DMD: variants seen among roughly 807,000 people sequenced by gnomAD.
The protein encoded by DMD is dystrophin.
In DMD, 63 loss-of-function variants were observed where a neutral mutation model predicts 330.1. The ratio of observed to expected loss-of-function variants is 0.19; its 90% CI spans 0.16 to 0.24. DMD has a LOEUF of 0.24. Ranked by LOEUF, DMD falls within the 10% of genes least tolerant of loss-of-function variation. DMD has a pLI of 1.00. For synonymous variants in DMD, 1,223 were observed against 959.8 expected (o/e 1.27, Z -5.07); for missense variants, 3,344 against 2,684.1 (o/e 1.25, Z -5.43).
At chrX:31,487,582 T>C (rs991039931) in intron 57 of DMD, among the ~76,000 whole-genome samples, 25 of 112,041 alleles carry the variant, frequency 2.2e-4, no homozygotes, top group African/African-American at 7.5e-4. Context: ...CTAGAACTTT[T>C]TCATCTTGCA....
At chrX:32,568,418 A>G (rs1476080308) in intron 15 of DMD, among the ~76,000 whole-genome samples, 2 of 109,050 alleles carry the variant, frequency 1.8e-5, no homozygotes, top group African/African-American at 3.4e-5. Flanking sequence ...TGAGGCAAGG[A>G]ATCGCTGGAA....
At chrX:32,707,509 A>G (rs1172443434) in intron 7 of DMD, among the ~76,000 whole-genome samples, 1 of 111,828 alleles carries the variant, frequency 8.9e-6, no homozygotes, top group South Asian at 3.7e-4. Context: ...GGAGTTTTAA[A>G]TAAGACGTGT....
At chrX:32,308,799 C>T (rs1485704980) in intron 42 of DMD, among the ~76,000 whole-genome samples, 2 of 110,464 alleles carry the variant, frequency 1.8e-5, no homozygotes, top group Non-Finnish European at 3.8e-5. Context: ...AGGGTCACTA[C>T]TCTCCTGAAC....
intron 2 of DMD, among the ~76,000 whole-genome samples, chrX:32,880,736 G>C (rs1243241326): frequency 1.8e-5 from 2 of 111,862 alleles, no homozygotes; most frequent in Non-Finnish European, 3.8e-5. Flanking sequence ...CCTGAGGTCG[G>C]GAGTTCGAGA....
At position 32,026,897 on chromosome X, in the gene DMD, G is replaced by A. The variant is rs755422206; in HGVS notation, c.6439-58383C>T. 2.1e-4 allele frequency among the ~76,000 whole-genome samples: 23 copies of A among 111,029 alleles called. No individual in the cohort carries two copies. In the East Asian group the frequency reaches 6.6e-3, roughly 32 times the overall value. ...AGGTCTTTGGGACTCTTTTCCATAAGGTTAGCAAATGGGAAGTAAGAAGAT... is the reference window on the plus strand; with the variant it reads ...AGGTCTTTGGGACTCTTTTCCATAAAGTTAGCAAATGGGAAGTAAGAAGAT... On this transcript the variant is annotated intron_variant, in intron 44 of 78. Transcript: ENST00000357033.
chrX:31,535,790 C>A (rs185646804), intron 55 of DMD, among the ~76,000 whole-genome samples: 1 of 111,699 alleles, frequency 9.0e-6, no homozygotes, highest in African/African-American at 3.3e-5. Flanking sequence ...TCTACAAATA[C>A]TGAGGGAGAT....
intron 2 of DMD, among the ~76,000 whole-genome samples, chrX:32,889,699 C>T (rs912564746): frequency 1.8e-5 from 2 of 110,845 alleles, no homozygotes; most frequent in South Asian, 3.9e-4. Flanking sequence ...TTTGTGAGAT[C>T]CACCCCCTGC....
At chrX:32,511,524 G>GGGAAA (rs766801853) in intron 18 of DMD, among the ~76,000 whole-genome samples, 6 of 49,783 alleles carry the variant, frequency 1.2e-4, no homozygotes, top group Admixed American at 3.2e-4. Flanking sequence ...TCCGTCTCGG[G>GGGAAA]AAAAAAAAAA....
At chrX:33,052,773 CAAT>C (rs1188366388) in intron 1 of DMD, among the ~76,000 whole-genome samples, 1 of 111,373 alleles carries the variant, frequency 9.0e-6, no homozygotes, top group African/African-American at 3.3e-5. Flanking sequence ...TGACTATAGT[CAAT>C]AATAACTTAC....
At chrX:31,898,601 C>G (rs1021466211) in intron 47 of DMD, among the ~76,000 whole-genome samples, 23 of 111,752 alleles carry the variant, frequency 2.1e-4, no homozygotes, top group Non-Finnish European at 4.0e-4. Context: ...TTCCTTACAC[C>G]TTATACAAAA....
intron 62 of DMD, among the ~76,000 whole-genome samples, chrX:31,294,984 G>C (rs1041038114): frequency 2.7e-5 from 3 of 111,302 alleles, no homozygotes; most frequent in Non-Finnish European, 3.8e-5. Flanking sequence ...AGACATTGTA[G>C]GTTTGCTTTT....
intron 60 of DMD, among the ~76,000 whole-genome samples, chrX:31,351,227 G>A (rs1569531122): frequency 9.1e-6 from 1 of 110,401 alleles, no homozygotes; most frequent in Non-Finnish European, 1.9e-5. Flanking sequence ...TATTTCTCTG[G>A]AGAACCTTGA....
At chrX:31,403,012 A>C (rs2061257243) in intron 60 of DMD, among the ~76,000 whole-genome samples, 1 of 111,848 alleles carries the variant, frequency 8.9e-6, no homozygotes, top group Admixed American at 9.5e-5. Context: ...ATAATCTCTC[A>C]TGCCTCCTAG....
intron 54 of DMD, among the ~76,000 whole-genome samples, chrX:31,638,552 A>G (rs1222549998): frequency 8.9e-6 from 1 of 112,621 alleles, no homozygotes; most frequent in Non-Finnish European, 1.9e-5. Context: ...TCTCCAACTT[A>G]TTCACAAGAG....
At chrX:32,812,504 G>A (rs983688915) in intron 6 of DMD, among the ~76,000 whole-genome samples, 10 of 111,284 alleles carry the variant, frequency 9.0e-5, no homozygotes, top group African/African-American at 1.3e-4. Context: ...ATGGTGGCTC[G>A]TGCCTATAGT....
chrX:33,116,232 C>T (rs1304289949), intron 1 of DMD, among the ~76,000 whole-genome samples: 1 of 107,224 alleles, frequency 9.3e-6, no homozygotes, highest in Non-Finnish European at 1.9e-5. Flanking sequence ...CAGGGCTGGC[C>T]GGGCACAGTG....
intron 12 of DMD, among the ~76,000 whole-genome samples, chrX:32,610,215 C>G (rs1386422450): frequency 9.0e-6 from 1 of 111,078 alleles, no homozygotes; most frequent in African/African-American, 3.3e-5. Context: ...GAAAGACTCA[C>G]TCTTGGGTGC....
chrX:32,898,353 C>T (rs1205489946), intron 2 of DMD, among the ~76,000 whole-genome samples: 1 of 112,137 alleles, frequency 8.9e-6, no homozygotes, highest in Non-Finnish European at 1.9e-5. Flanking sequence ...TAGTTTGATA[C>T]AGGACAGGTT....
intron 4 of DMD, among the ~76,000 whole-genome samples, chrX:32,839,289 C>T (rs1433699565): frequency 4.5e-5 from 5 of 111,560 alleles, no homozygotes; most frequent in Non-Finnish European, 9.4e-5. Context: ...AACCCACCTT[C>T]CTATAGACAA....
Sources: allele counts gnomAD v4.1 joint callset (sites outside exome capture counted in the v4.1 genomes callset), GRCh38; gene constraint gnomAD v4.1.1; transcripts MANE v1.5; gene names NCBI Gene and HGNC (gene_info 2026-07-23, HGNC 2026-07-21).